CREB5: variants seen among roughly 807,000 people sequenced by gnomAD.
The protein encoded by CREB5 is cyclic AMP-responsive element-binding protein 5.
Under a neutral mutation model 57.1 loss-of-function variants are expected in CREB5, and 19 were observed. The observed-to-expected ratio is 0.33, with a 90% CI of 0.23 to 0.49. CREB5 has a LOEUF of 0.49. CREB5 is among the 20% of genes least tolerant of loss of function. The pLI is 0.99. For missense variants in CREB5, 579 were observed against 671.6 expected (o/e 0.86, Z 1.52); for synonymous variants, 238 against 238.3 (o/e 1.00, Z 0.01).
At chr7:28,734,109 G>A (rs761144546) in intron 7 of CREB5, among the ~76,000 whole-genome samples, 1 of 150,956 alleles carries the variant, frequency 6.6e-6, no homozygotes, top group Non-Finnish European at 1.5e-5. Context: ...CTTGACCCCT[G>A]GTGTGGCACC....
In CREB5 at chr7:28,391,881, C is replaced by T. The variant is rs147085122; in HGVS notation, c.-25+92440C>T. 1.8e-3 allele frequency among the ~76,000 whole-genome samples: 275 copies of T among 152,256 alleles called. 1 individual carries two copies. The highest frequency in any genetic ancestry group is 6.3e-3 in the African/African-American group (261 of 41,562). On this transcript the variant is annotated intron_variant, in intron 1 of 9. Coordinates refer to the CREB5 transcript ENST00000396299. ...TCCCACTAGCCTTTGCATTCCTAGC[C>T]GGGGTCCCTCCAGAGGACATCTCTC...
At chr7:28,352,417 G>A (rs1786214746) in intron 1 of CREB5, among the ~76,000 whole-genome samples, 1 of 152,160 alleles carries the variant, frequency 6.6e-6, no homozygotes, top group African/African-American at 2.4e-5. Flanking sequence ...TTTTTTAGTT[G>A]TAAGTATGAA....
upstream of CREB5, chr7:28,409,871 A>G (rs1787697988): frequency 2.2e-6 from 1 of 454,512 alleles, no homozygotes; most frequent in South Asian, 1.6e-5. This position sits in a 1 kb window ranked among gnomAD's most constrained non-coding sequence, Gnocchi z 4.4. Flanking sequence ...CCAGTTATGA[A>G]TCGGGGGTGT....
At chr7:28,707,146 G>A (rs1802151579) in intron 5 of CREB5, among the ~76,000 whole-genome samples, 1 of 152,172 alleles carries the variant, frequency 6.6e-6, no homozygotes, top group Admixed American at 6.5e-5. Flanking sequence ...ACCCCTCGGA[G>A]AGGCTGGGTG....
At chr7:28,597,006 A>G (rs980964004) in intron 5 of CREB5, among the ~76,000 whole-genome samples, 10 of 152,122 alleles carry the variant, frequency 6.6e-5, no homozygotes, top group Admixed American at 5.9e-4. Flanking sequence ...TTGGAATGAA[A>G]CCTGACATGT....
rs1429630589 is a variant in CREB5 at position 28,326,166 on chromosome 7, T to TATCC, written c.-25+26728_-25+26729insCATC. 4.0e-3 allele frequency among the ~76,000 whole-genome samples: 363 copies of TATCC among 91,310 alleles called. 1 individual carries two copies. The highest frequency in any genetic ancestry group is 0.013 in the African/African-American group (348 of 27,216). 59.9% of individuals were successfully genotyped at this position (91,310 alleles called of 152,430 possible). A position where few individuals can be genotyped will look rare whatever the true frequency, so the allele number is the denominator to read the frequency against. On this transcript the variant is annotated intron_variant, in intron 1 of 9. Transcript: ENST00000396299. ...TACACACACACATTATCTATCTATC[T>TATCC]ATCTATCTATCTATCTATCTATCTA... is the stretch of plus-strand genomic sequence containing the variant.
chr7:28,559,888 T>C (rs1160277114), intron 4 of CREB5, among the ~76,000 whole-genome samples: 1 of 152,168 alleles, frequency 6.6e-6, no homozygotes, highest in Admixed American at 6.5e-5. Context: ...CAATCGCACA[T>C]TGTGAAACAT....
intron 4 of CREB5, among the ~76,000 whole-genome samples, chr7:28,552,648 T>C (rs1403521515): frequency 1.3e-5 from 2 of 152,220 alleles, no homozygotes; most frequent in Non-Finnish European, 2.9e-5. Flanking sequence ...TGTTGTCTTA[T>C]GACTTTACTC....
intron 5 of CREB5, among the ~76,000 whole-genome samples, chr7:28,624,639 A>G (rs116146794): frequency 0.015 from 2,183 of 147,548 alleles, 49 homozygotes; most frequent in African/African-American, 0.05. Context: ...TTTTTCTCAA[A>G]TTGTACTTCG....
At position 28,526,903 on chromosome 7, in the gene CREB5, G is replaced by A. The variant is rs117838531; in HGVS notation, c.291+19166G>A. On this transcript the variant is annotated intron_variant, in intron 4 of 10. Coordinates refer to ENST00000357727, the MANE Select transcript of CREB5 (RefSeq NM_182898.4). ...CAGACCCAGGGAGGTCCTCTATCCT[G>A]TACTCATGGTATCTAATTCATCCAT... Among the ~76,000 whole-genome samples, 1,448 of 152,326 alleles carry A rather than the reference G, an allele frequency of 9.5e-3. 12 individuals carry two copies. The highest frequency in any genetic ancestry group is 0.032 in the South Asian group (153 of 4,826).
chr7:28,474,933 A>G (rs1790995076), intron 1 of CREB5, among the ~76,000 whole-genome samples: 1 of 152,236 alleles, frequency 6.6e-6, no homozygotes, highest in South Asian at 2.1e-4. Flanking sequence ...CGCCTGACAC[A>G]TAGGATGTGA....
chr7:28,800,350 G>A (rs959573765), intron 7 of CREB5, among the ~76,000 whole-genome samples: 6 of 152,190 alleles, frequency 3.9e-5, no homozygotes, highest in Admixed American at 2.6e-4. Flanking sequence ...TGCATGACGC[G>A]CCCTCCAGAA....
intron 5 of CREB5, among the ~76,000 whole-genome samples, chr7:28,590,754 T>C (rs1757707943): frequency 6.6e-6 from 1 of 151,930 alleles, no homozygotes; most frequent in Non-Finnish European, 1.5e-5. Context: ...GGAAAAGTTA[T>C]AGTTAATCAC....
intron 10 of CREB5, 43 bp downstream of exon 10, chr7:28,818,222 T>A: frequency 7.0e-7 from 1 of 1,422,294 alleles, no homozygotes; most frequent in Non-Finnish European, 9.9e-7. Context: ...GTCCAATATT[T>A]TTTGCCACTA....
intron 1 of CREB5, among the ~76,000 whole-genome samples, chr7:28,376,442 G>A (rs995369725): frequency 1.3e-5 from 2 of 151,888 alleles, no homozygotes; most frequent in East Asian, 3.9e-4. Flanking sequence ...CTAATGTTTT[G>A]TATTTTTAGT....
chr7:28,687,936 C>T (rs1219950557), intron 5 of CREB5, among the ~76,000 whole-genome samples: 1 of 152,204 alleles, frequency 6.6e-6, no homozygotes, highest in African/African-American at 2.4e-5. Flanking sequence ...CTAGAAGCTC[C>T]TCCCCGCATG....
rs1188922675 is a variant in CREB5 at position 28,560,813 on chromosome 7, TGTGTGTGTGCGC to T, written c.292-9550_292-9539del. On this transcript the variant is annotated intron_variant, in intron 4 of 10. Transcript: ENST00000357727. Reference sequence around the variant, plus strand: ...TGCTTCCACAGTGTGTGTGCGCGTGTGTGTGTGTGCGCGCGCGCGCGTGTGTGTGTGCGCGTG... The same window carrying T: ...TGCTTCCACAGTGTGTGTGCGCGTGTGCGCGCGCGTGTGTGTGTGCGCGTG... Among the ~76,000 whole-genome samples the T allele has an allele frequency of 8.3e-5, 5 of 60,042 alleles. No individual in the cohort carries two copies. In the South Asian group the frequency reaches 1.8e-3, roughly 22 times the overall value. The allele number at this position is 60,042 out of a possible 152,430, so 39.4% of individuals were successfully genotyped here.
At chr7:28,348,503 T>C (rs1353326300) in intron 1 of CREB5, among the ~76,000 whole-genome samples, 2 of 152,012 alleles carry the variant, frequency 1.3e-5, no homozygotes, top group Non-Finnish European at 2.9e-5. Context: ...CAGCATACTA[T>C]CTGGCCCACA....
intron 4 of CREB5, among the ~76,000 whole-genome samples, chr7:28,531,263 C>T (rs182218732): frequency 2.0e-5 from 3 of 152,200 alleles, no homozygotes; most frequent in East Asian, 1.9e-4. Context: ...TGTGTTGCCT[C>T]ACAGCTCTGG....
Sources: gnomAD v4.1 joint callset for allele counts (sites outside exome capture counted in the v4.1 genomes callset) on GRCh38, gnomAD v4.1.1 for gene constraint, Gnocchi (gnomAD v3.1) non-coding constraint, MANE v1.5 for transcripts, NCBI Gene and HGNC (gene_info 2026-07-23, HGNC 2026-07-21) for gene names.